The following ARFIP2 variants were observed in gnomAD, a reference collection of about 807,000 sequenced individuals.
ARFIP2 encodes the protein ARF interacting protein 2, also known as arfaptin-2.
ARFIP2 carries 14 observed loss-of-function variants against 39.2 expected under a neutral mutation model. That is an observed-to-expected ratio of 0.36 (90% CI 0.24 to 0.56). The LOEUF (loss-of-function observed/expected upper bound fraction) is 0.56. Among genes scored for constraint, ARFIP2 ranks in the 20% least tolerant of loss-of-function variants. The pLI is 0.85. For missense variants in ARFIP2, 305 were observed against 422.5 expected, an observed-to-expected ratio of 0.72 and a Z score of 2.44; for synonymous variants, 167 against 172.4, an observed-to-expected ratio of 0.97 and a Z score of 0.24.
In ARFIP2 at chr11:6,478,671, A is replaced by G; in HGVS notation, c.537+67T>C. Reference sequence around the variant, plus strand: ...CTGTGGGCTGCAGGAGGGAGGGAGGATGAGGAATGACTGCCTGGGAGGGCC... The same window carrying G: ...CTGTGGGCTGCAGGAGGGAGGGAGGGTGAGGAATGACTGCCTGGGAGGGCC... On this transcript the variant is annotated intron_variant, in intron 5 of 7. Coordinates refer to ENST00000396777, the MANE Select transcript of ARFIP2 (RefSeq NM_001376558.2). The surrounding 1 kb of genome is among the most constrained non-coding windows in gnomAD (Gnocchi z 4.8). 2.6e-6 allele frequency: 4 copies of G among 1,547,898 alleles called. No individual in the cohort carries two copies. Among genetic ancestry groups the G allele is most frequent in the Non-Finnish European group, 3.5e-6 (4 of 1,143,032 alleles).
In ARFIP2 at chr11:6,477,058, C is replaced by T. The variant is rs1589849168; in HGVS notation, c.*55G>A. On this transcript the variant is annotated 3_prime_UTR_variant, in exon 8 of 8. Coordinates refer to ENST00000396777, the MANE Select transcript of ARFIP2 (RefSeq NM_001376558.2). The surrounding 1 kb of genome is among the most constrained non-coding windows in gnomAD (Gnocchi z 4.8). ...TGTACCATGTCCAATCTCCCACACC[C>T]TGGGGCTGCCCTTCCCAATGTCTTT... is the stretch of plus-strand genomic sequence containing the variant. 6.4e-7 allele frequency: 1 copy of T among 1,553,726 alleles called. No individual in the cohort carries two copies. Among genetic ancestry groups the T allele is most frequent in the Non-Finnish European group, 8.7e-7 (1 of 1,144,204 alleles).
intron 3 of ARFIP2, 139 bp from the exon 4 acceptor site, chr11:6,479,397 C>T (rs1486363367): frequency 6.4e-7 from 1 of 1,570,042 alleles, no homozygotes; most frequent in Non-Finnish European, 8.6e-7. Context: ...CTCCTGCTTA[C>T]TAGGAGGAAC....
In ARFIP2 at chr11:6,477,364, T is replaced by C; in HGVS notation, c.871-96A>G. 1 of 1,405,096 alleles carries C rather than the reference T, an allele frequency of 7.1e-7. No homozygotes were observed. The highest frequency in any genetic ancestry group is 2.5e-5 in the East Asian group (1 of 40,428). The allele number at this position is 1,405,096 out of a possible 1,614,324, so 87.0% of individuals were successfully genotyped here. On this transcript the variant is annotated intron_variant, in intron 7 of 7. Coordinates refer to ENST00000396777, the MANE Select transcript of ARFIP2 (RefSeq NM_001376558.2). The surrounding 1 kb of genome is among the most constrained non-coding windows in gnomAD (Gnocchi z 4.8). Reference sequence around the variant, plus strand: ...AGGCACAGACCAGGGGCACAAGGACTCTGCTCTGATGGTGCTTTTGGGGTA... The same window carrying C: ...AGGCACAGACCAGGGGCACAAGGACCCTGCTCTGATGGTGCTTTTGGGGTA...
In ARFIP2 at chr11:6,477,947, CTCCTT is replaced by C. The variant is rs2134280700; in HGVS notation, c.696-60_696-56del. The C allele has an allele frequency of 8.7e-6, 14 of 1,605,410 alleles. No individual in the cohort carries two copies. The highest frequency in any genetic ancestry group is 1.2e-5 in the Non-Finnish European group (14 of 1,173,854). On this transcript the variant is annotated intron_variant, in intron 6 of 7. Coordinates refer to ENST00000396777, the MANE Select transcript of ARFIP2 (RefSeq NM_001376558.2). This position sits in a 1 kb window ranked among gnomAD's most constrained non-coding sequence, Gnocchi z 4.8. Reference sequence around the variant, plus strand: ...CACTCCTTTATCCTCAACACATACTCTCCTTTCCTTCCTGAATTCTTATGCCCCTA... The same window carrying C: ...CACTCCTTTATCCTCAACACATACTCTCCTTCCTGAATTCTTATGCCCCTA...
Position 6,479,463 on chromosome 11 carries a change from T to A in ARFIP2, c.197-205A>T, listed in dbSNP as rs1368872986. On this transcript the variant is annotated intron_variant, in intron 3 of 7. Transcript: ENST00000396777. ...GATATACATATGGCCTCCTTGGGGG[T>A]TAGAGGAGGGGTTTGCAGGGAGTTG... 29 of 950,576 alleles carry A rather than the reference T, an allele frequency of 3.1e-5. No homozygotes were observed. The East Asian group carries it at 5.8e-4, about 19-fold the overall frequency. The allele number at this position is 950,576 out of a possible 1,614,324, so 58.9% of individuals were successfully genotyped here. A position where few individuals can be genotyped will look rare whatever the true frequency, so the allele number is the denominator to read the frequency against.
intron 4 of ARFIP2, 42 bp downstream of exon 4, chr11:6,479,098 C>T: frequency 6.2e-7 from 1 of 1,601,828 alleles, no homozygotes; most frequent in Non-Finnish European, 8.5e-7. Context: ...AAAAAGGTAC[C>T]CATAAGGAGT....
rs1342540919 is a variant in ARFIP2, at chr11:6,477,596, G to A, written c.870+122C>T. The A allele has an allele frequency of 8.8e-7, 1 of 1,137,294 alleles. No homozygotes were observed. Among genetic ancestry groups the A allele is most frequent in the African/African-American group, 1.6e-5 (1 of 64,268 alleles). 70.5% of individuals were successfully genotyped at this position (1,137,294 alleles called of 1,614,324 possible). On this transcript the variant is annotated intron_variant, in intron 7 of 7. Transcript: ENST00000396777. This position sits in a 1 kb window ranked among gnomAD's most constrained non-coding sequence, Gnocchi z 4.8. Reference sequence around the variant, plus strand: ...ATCTGGAAAGGCCCAGGGGTTGAGGGGGTGAACACTCTACTCCCCAGCTAG... The same window carrying A: ...ATCTGGAAAGGCCCAGGGGTTGAGGAGGTGAACACTCTACTCCCCAGCTAG...
chr11:6,479,845 G>A, intron 3 of ARFIP2, 127 bp downstream of exon 3: 1 of 929,958 alleles, frequency 1.1e-6, no homozygotes. Context: ...AGTCCATGAG[G>A]TTCCTACAAG....
chr11:6,477,600 G>C lies in ARFIP2; in HGVS notation c.870+118C>G, dbSNP rs1242844231. On this transcript the variant is annotated intron_variant, in intron 7 of 7. Transcript: ENST00000396777. This position sits in a 1 kb window ranked among gnomAD's most constrained non-coding sequence, Gnocchi z 4.8. ...GGAAAGGCCCAGGGGTTGAGGGGGT[G>C]AACACTCTACTCCCCAGCTAGGCTG... The C allele has an allele frequency of 8.3e-7, 1 of 1,198,352 alleles. No homozygotes were observed. Among genetic ancestry groups the C allele is most frequent in the Admixed American group, 2.4e-5 (1 of 42,274 alleles). 74.2% of individuals were successfully genotyped at this position (1,198,352 alleles called of 1,614,324 possible).
rs937577334 is a variant in ARFIP2, at chr11:6,476,885, T to C, written c.*228A>G. On this transcript the variant is annotated 3_prime_UTR_variant, in exon 8 of 8. Transcript: ENST00000396777. ...GGCTGTGAAGTGGAAGGAAAAGATC[T>C]GGGAATGAAGCCCTGTGGCCAGGAA... 1.4e-5 allele frequency: 7 copies of C among 488,024 alleles called. No homozygotes were observed. The highest frequency in any genetic ancestry group is 7.3e-5 in the Admixed American group (2 of 27,388). 30.2% of individuals were successfully genotyped at this position (488,024 alleles called of 1,614,324 possible). A position where few individuals can be genotyped will look rare whatever the true frequency, so the allele number is the denominator to read the frequency against.
rs1851212837 is a variant in ARFIP2 at position 6,477,572 on chromosome 11, T to C, written c.870+146A>G. ...GGGCCAGGAATTGGAGGGAGGGTGA[T>C]CTGGAAAGGCCCAGGGGTTGAGGGG... On this transcript the variant is annotated intron_variant, in intron 7 of 7. Transcript: ENST00000396777. This position sits in a 1 kb window ranked among gnomAD's most constrained non-coding sequence, Gnocchi z 4.8. 1 of 931,066 alleles carries C rather than the reference T, an allele frequency of 1.1e-6. No individual in the cohort carries two copies. The highest frequency in any genetic ancestry group is 1.6e-6 in the Non-Finnish European group (1 of 636,578). 57.7% of individuals were successfully genotyped at this position (931,066 alleles called of 1,614,324 possible).
Position 6,479,182 on chromosome 11 carries a change from T to TTCTCCAGCAATGCCCCGAGCCACCTCA in ARFIP2, c.246_272dup (p.Asp82_Gly90dup). 6.2e-7 allele frequency: 1 copy of TTCTCCAGCAATGCCCCGAGCCACCTCA among 1,614,154 alleles called. No homozygotes were observed. The highest frequency in any genetic ancestry group is 8.5e-7 in the Non-Finnish European group (1 of 1,180,030). ...CCCATTTCTTGACGATGTCAAACTT[T>TTCTCCAGCAATGCCCCGAGCCACCTCA]TCTCCAGCAATGCCCCGAGCCACCT... is the stretch of plus-strand genomic sequence containing the variant. On this transcript the variant is annotated inframe_insertion, in exon 4 of 8. Coordinates refer to ENST00000396777, the MANE Select transcript of ARFIP2 (RefSeq NM_001376558.2).
Position 6,477,882 on chromosome 11 carries a change from C to T in ARFIP2, c.706G>A (p.Asp236Asn), listed in dbSNP as rs750435494. 1 of 1,613,924 alleles carries T rather than the reference C, an allele frequency of 6.2e-7. No individual in the cohort carries two copies. The highest frequency in any genetic ancestry group is 1.1e-5 in the South Asian group (1 of 91,070). Reference sequence around the variant, plus strand: ...TCCTCTAAGTCTGTTCGGTAGGCATCATATTCCAGCCTGGGGAGGGGGTGA... The same window carrying T: ...TCCTCTAAGTCTGTTCGGTAGGCATTATATTCCAGCCTGGGGAGGGGGTGA... ...KQYEAARLEYDAYRTDLEELS... is the reference protein window; with the variant it reads ...KQYEAARLEYNAYRTDLEELS... The change falls in exon 7 of 8, where the codon GAT (aspartate) becomes AAT (asparagine). Residue 236 changes from aspartate to asparagine, a missense_variant. Asp to Asn is a conservative substitution (Grantham distance 23). Coordinates refer to ENST00000396777, the MANE Select transcript of ARFIP2 (RefSeq NM_001376558.2). The surrounding 1 kb of genome is among the most constrained non-coding windows in gnomAD (Gnocchi z 4.8).
rs1851277778 is a variant in ARFIP2 at position 6,477,960 on chromosome 11, T to G, written c.696-68A>C. ...TCAACACATACTCTCCTTTCCTTCCTGAATTCTTATGCCCCTAATGCCCAA... is the reference window on the plus strand; with the variant it reads ...TCAACACATACTCTCCTTTCCTTCCGGAATTCTTATGCCCCTAATGCCCAA... On this transcript the variant is annotated intron_variant, in intron 6 of 7. Coordinates refer to ENST00000396777, the MANE Select transcript of ARFIP2 (RefSeq NM_001376558.2). This position sits in a 1 kb window ranked among gnomAD's most constrained non-coding sequence, Gnocchi z 4.8. 2.5e-6 allele frequency: 4 copies of G among 1,603,892 alleles called. No homozygotes were observed. In the East Asian group the frequency reaches 9.0e-5, roughly 36 times the overall value.
chr11:6,481,319 A>C lies in ARFIP2; in HGVS notation c.-131T>G. On this transcript the variant is annotated 5_prime_UTR_variant, in exon 1 of 8. Transcript: ENST00000396777. ...CAGTTCCCGTCGCGATCCTAGCAGCAGGTCAGGGACTCGGCGGAAATGACG... is the reference window on the plus strand; with the variant it reads ...CAGTTCCCGTCGCGATCCTAGCAGCCGGTCAGGGACTCGGCGGAAATGACG... 2 of 790,046 alleles carry C rather than the reference A, an allele frequency of 2.5e-6. No homozygotes were observed. The highest frequency in any genetic ancestry group is 3.4e-5 in the South Asian group (2 of 59,338). The allele number at this position is 790,046 out of a possible 1,614,324, so 48.9% of individuals were successfully genotyped here.
At position 6,477,709 on chromosome 11, in the gene ARFIP2, G is replaced by A. The variant is rs1381773396; in HGVS notation, c.870+9C>T. ...AGGTGGGCTAGGGTCAAGGGGGTGG[G>A]GTTGGCACCTTGTTTTCTTCCAGGA... On this transcript the variant is annotated intron_variant, in intron 7 of 7. Transcript: ENST00000396777. This position sits in a 1 kb window ranked among gnomAD's most constrained non-coding sequence, Gnocchi z 4.8. 1.2e-6 allele frequency: 2 copies of A among 1,613,362 alleles called. No individual in the cohort carries two copies. Among genetic ancestry groups the A allele is most frequent in the Admixed American group, 1.7e-5 (1 of 59,968 alleles).
At position 6,480,411 on chromosome 11, in the gene ARFIP2, C is replaced by T; in HGVS notation, c.11G>A (p.Gly4Glu). The change falls in exon 2 of 8, where the codon GGG becomes GAG. Residue 4 changes from glycine to glutamate, a missense_variant. Gly to Glu is a moderately conservative substitution (Grantham distance 98). Coordinates refer to ENST00000396777, the MANE Select transcript of ARFIP2 (RefSeq NM_001376558.2). The stretch of plus-strand genomic sequence containing the variant: ...CATTGTGGCTGCCTTCCCTAGGATC[C>T]CGTCCGTCATGGCTAGGAAAGGTAT... MTD[G>E]ILGKAATMEI... The T allele has an allele frequency of 6.2e-7, 1 of 1,611,854 alleles. No homozygotes were observed. Among genetic ancestry groups the T allele is most frequent in the Non-Finnish European group, 8.5e-7 (1 of 1,179,060 alleles).
At chr11:6,479,828 TGAG>T (rs1327539210) in intron 3 of ARFIP2, 141 bp downstream of exon 3, 1 of 800,332 alleles carries the variant, frequency 1.2e-6, no homozygotes, top group Non-Finnish European at 2.1e-6. Flanking sequence ...GCTTTTGGGC[TGAG>T]GAGAGTCCAT....
intron 4 of ARFIP2, 28 bp downstream of exon 4, chr11:6,479,112 G>C (rs1288201057): frequency 6.2e-7 from 1 of 1,608,454 alleles, no homozygotes; most frequent in Admixed American, 1.7e-5. Flanking sequence ...AAGGAGTTTT[G>C]GGGAAGGGAG....
Sources: gnomAD v4.1 joint callset for allele counts on GRCh38, gnomAD v4.1.1 for gene constraint, Gnocchi (gnomAD v3.1) non-coding constraint, MANE v1.5 for transcripts, NCBI Gene and HGNC (gene_info 2026-07-23, HGNC 2026-07-21) for gene names.